Variants in ST3GAL4 observed in about 807,000 individuals in gnomAD.
ST3GAL4 encodes the protein ST3 beta-galactoside alpha-2,3-sialyltransferase 4, also known as CMP-N-acetylneuraminate-beta-galactosamide-alpha-2,3-sialyltransferase 4.
In ST3GAL4, 24 loss-of-function variants were observed where a neutral mutation model predicts 42.6. The ratio of observed to expected loss-of-function variants is 0.56; its 90% CI spans 0.41 to 0.79. ST3GAL4 has a LOEUF of 0.79. Among genes scored for constraint, ST3GAL4 ranks in the 30% least tolerant of loss-of-function variants. The pLI, the probability that ST3GAL4 is intolerant of heterozygous loss-of-function variation, is 0.00. For synonymous variants in ST3GAL4, 135 were observed against 163.2 expected, an observed-to-expected ratio of 0.83 and a Z score of 1.32; for missense variants, 311 against 430.8, an observed-to-expected ratio of 0.72 and a Z score of 2.46.
intron 1 of ST3GAL4, among the ~76,000 whole-genome samples, chr11:126,377,998 A>G (rs1316408666): frequency 3.3e-5 from 5 of 152,210 alleles, no homozygotes; most frequent in Non-Finnish European, 7.3e-5. Flanking sequence ...TTACAGAAGT[A>G]TGAAATCCAG....
chr11:126,379,815 G>A lies in ST3GAL4; in HGVS notation c.-61+23973G>A, dbSNP rs1437625398. Among the ~76,000 whole-genome samples the A allele has an allele frequency of 4.6e-5, 7 of 152,110 alleles. No individual in the cohort carries two copies. Among genetic ancestry groups the A allele is most frequent in the Non-Finnish European group, 5.9e-5 (4 of 68,026 alleles). The stretch of plus-strand genomic sequence containing the variant: ...TTTTAAATCACATGTGGATTGACAA[G>A]TCCAAAACTCTAAGAGAGCTCTCAT... On this transcript the variant is annotated intron_variant, in intron 1 of 10. Transcript: ENST00000444328. This position sits in a 1 kb window ranked among gnomAD's most constrained non-coding sequence, Gnocchi z 4.2.
chr11:126,389,834 G>C (rs1011387661), intron 1 of ST3GAL4, among the ~76,000 whole-genome samples: 1 of 151,920 alleles, frequency 6.6e-6, no homozygotes, highest in Non-Finnish European at 1.5e-5. Context: ...CAATCCTCCT[G>C]CCTTGGCCTC....
At chr11:126,370,328 G>T (rs1470226231) in intron 1 of ST3GAL4, among the ~76,000 whole-genome samples, 1 of 152,138 alleles carries the variant, frequency 6.6e-6, no homozygotes, top group Non-Finnish European at 1.5e-5. Context: ...GTTACTATTT[G>T]TGAAAAATGG....
chr11:126,364,127 C>T (rs4055126), intron 1 of ST3GAL4, among the ~76,000 whole-genome samples: 2 of 152,246 alleles, frequency 1.3e-5, no homozygotes, highest in African/African-American at 2.4e-5. Flanking sequence ...CCTGCCAAGG[C>T]AGAGGGAATG....
intron 4 of ST3GAL4, 40 bp downstream of exon 4, chr11:126,407,063 A>G (rs1393528966): frequency 6.3e-7 from 1 of 1,592,012 alleles, no homozygotes; most frequent in Non-Finnish European, 8.6e-7. Flanking sequence ...CAGGGCATGG[A>G]GCGAGCTGGG....
rs971894814 is a variant in ST3GAL4, at chr11:126,410,366, G to T, written c.771+955G>T. Among the ~76,000 whole-genome samples the T allele has an allele frequency of 6.6e-6, 1 of 152,162 alleles. No individual in the cohort carries two copies. Among genetic ancestry groups the T allele is most frequent in the Non-Finnish European group, 1.5e-5 (1 of 68,032 alleles). Reference sequence around the variant, plus strand: ...CCACCCATATCTTGGAGCCCCTCGGGGAGGCCGTGTGGGATGGTGAGAGAC... The same window carrying T: ...CCACCCATATCTTGGAGCCCCTCGGTGAGGCCGTGTGGGATGGTGAGAGAC... On this transcript the variant is annotated intron_variant, in intron 9 of 10. Coordinates refer to ENST00000444328, the MANE Select transcript of ST3GAL4 (RefSeq NM_001254757.2). The surrounding 1 kb of genome is among the most constrained non-coding windows in gnomAD (Gnocchi z 5.3).
chr11:126,406,059 T>G lies in ST3GAL4; in HGVS notation c.-60-37T>G. ...TCCAGTGTCTAGGCAGGAGAGTTTG[T>G]GAAGCTGACCGGACACCTGTGGCTC... On this transcript the variant is annotated intron_variant, in intron 1 of 10. Transcript: ENST00000444328. The surrounding 1 kb of genome is among the most constrained non-coding windows in gnomAD (Gnocchi z 5.4). 6.4e-7 allele frequency: 1 copy of G among 1,550,820 alleles called. No homozygotes were observed. Among genetic ancestry groups the G allele is most frequent in the East Asian group, 2.4e-5 (1 of 40,908 alleles).
At chr11:126,380,663 A>G (rs1288703308) in intron 1 of ST3GAL4, among the ~76,000 whole-genome samples, 2 of 152,202 alleles carry the variant, frequency 1.3e-5, no homozygotes, top group East Asian at 3.9e-4. Flanking sequence ...TCAGGTCTGT[A>G]AACTCTTATT....
chr11:126,390,969 A>G lies in ST3GAL4; in HGVS notation c.-60-15127A>G, dbSNP rs117603193. The stretch of plus-strand genomic sequence containing the variant: ...TGTCTTTTTGGGACTGGCTTATTTC[A>G]CTTCGCGTAGTACCTTCAAGGTTGA... On this transcript the variant is annotated intron_variant, in intron 1 of 10. Coordinates refer to ENST00000444328, the MANE Select transcript of ST3GAL4 (RefSeq NM_001254757.2). Among the ~76,000 whole-genome samples, 1,395 of 152,234 alleles carry G rather than the reference A, an allele frequency of 9.2e-3. 14 individuals carry two copies. Among genetic ancestry groups the G allele is most frequent in the Non-Finnish European group, 0.012 (837 of 68,004 alleles).
Position 126,406,926 on chromosome 11 carries a change from T to C in ST3GAL4, c.102-17T>C, listed in dbSNP as rs1484442001. 3.1e-6 allele frequency: 5 copies of C among 1,612,464 alleles called. No homozygotes were observed. In the African/African-American group the frequency reaches 6.7e-5, roughly 22 times the overall value. On this transcript the variant is annotated splice_polypyrimidine_tract_variant and intron_variant, in intron 3 of 10. Transcript: ENST00000444328. This position sits in a 1 kb window ranked among gnomAD's most constrained non-coding sequence, Gnocchi z 5.4. ...GTCTGACTGGGGCTTCTGCCTCCTG[T>C]CCTTTTTTCTCTCCAGTTTTTATTT...
rs760910226 is a variant in ST3GAL4 at position 126,407,038 on chromosome 11, A to G, written c.182+15A>G. ...CTCTTTGGCAAGTAAGTACTTAAGGATGAGGAGGGTAGAGCAGGGCATGGA... is the reference window on the plus strand; with the variant it reads ...CTCTTTGGCAAGTAAGTACTTAAGGGTGAGGAGGGTAGAGCAGGGCATGGA... On this transcript the variant is annotated intron_variant, in intron 4 of 10. Coordinates refer to ENST00000444328, the MANE Select transcript of ST3GAL4 (RefSeq NM_001254757.2). The G allele has an allele frequency of 8.5e-5, 137 of 1,612,124 alleles. No homozygotes were observed. Among genetic ancestry groups the G allele is most frequent in the Non-Finnish European group, 1.0e-4 (121 of 1,178,408 alleles).
chr11:126,385,474 C>T (rs920226960), intron 1 of ST3GAL4, among the ~76,000 whole-genome samples: 17 of 152,250 alleles, frequency 1.1e-4, no homozygotes, highest in African/African-American at 3.4e-4. Flanking sequence ...TTCTGAGCTC[C>T]AGACAACTCA....
chr11:126,371,849 G>A (rs886218313), intron 1 of ST3GAL4, among the ~76,000 whole-genome samples: 1 of 152,214 alleles, frequency 6.6e-6, no homozygotes, highest in Non-Finnish European at 1.5e-5. Context: ...ATATTGTGAA[G>A]TGCTCTTCTA....
intron 1 of ST3GAL4, among the ~76,000 whole-genome samples, chr11:126,362,380 A>G (rs370493696): frequency 6.6e-6 from 1 of 150,968 alleles, no homozygotes; most frequent in East Asian, 2.0e-4. Flanking sequence ...TTGTATTTTT[A>G]GTAGAGATGG....
chr11:126,411,671 G>A lies in ST3GAL4; in HGVS notation c.772-1834G>A, dbSNP rs1190420420. 1.3e-5 allele frequency among the ~76,000 whole-genome samples: 2 copies of A among 152,154 alleles called. No homozygotes were observed. Among genetic ancestry groups the A allele is most frequent in the Non-Finnish European group, 1.5e-5 (1 of 68,030 alleles). ...GTGGTTGAAATAATTCGGTTCCTGC[G>A]ATTGTAGAACTGAGGTCCCCATTTC... On this transcript the variant is annotated intron_variant, in intron 9 of 10. Coordinates refer to ENST00000444328, the MANE Select transcript of ST3GAL4 (RefSeq NM_001254757.2). This position sits in a 1 kb window ranked among gnomAD's most constrained non-coding sequence, Gnocchi z 6.3.
At chr11:126,394,253 GGGAGCCCCTGACCA>G (rs1318069922) in intron 1 of ST3GAL4, among the ~76,000 whole-genome samples, 8 of 152,330 alleles carry the variant, frequency 5.3e-5, no homozygotes, top group African/African-American at 1.9e-4. Flanking sequence ...AGGAGCGCCC[GGGAGCCCCTGACCA>G]GGACCTGGGG....
Position 126,393,546 on chromosome 11 carries a change from G to A in ST3GAL4, c.-60-12550G>A, listed in dbSNP as rs1953605373. Among the ~76,000 whole-genome samples, 1 of 152,200 alleles carries A rather than the reference G, an allele frequency of 6.6e-6. No homozygotes were observed. The highest frequency in any genetic ancestry group is 2.1e-4 in the South Asian group (1 of 4,828). ...TTGACTGCACATCAGAGTCAAACGA[G>A]TCAGAATAAGCGGGACCCCTCCACA... On this transcript the variant is annotated intron_variant, in intron 1 of 10. Coordinates refer to ENST00000444328, the MANE Select transcript of ST3GAL4 (RefSeq NM_001254757.2). This position sits in a 1 kb window ranked among gnomAD's most constrained non-coding sequence, Gnocchi z 5.9.
chr11:126,388,660 GTTTTT>G (rs10599019), intron 1 of ST3GAL4, among the ~76,000 whole-genome samples: 9 of 79,286 alleles, frequency 1.1e-4, no homozygotes, highest in South Asian at 4.6e-4. Context: ...TAGGTTTCTT[GTTTTT>G]TTTTTTTTTT....
In ST3GAL4 at chr11:126,404,734, G is replaced by T. The variant is rs12278171; in HGVS notation, c.-60-1362G>T. Among the ~76,000 whole-genome samples the T allele has an allele frequency of 4.2e-3, 640 of 152,330 alleles. 6 individuals are homozygous for T. The highest frequency in any genetic ancestry group is 0.015 in the African/African-American group (607 of 41,574). On this transcript the variant is annotated intron_variant, in intron 1 of 10. Transcript: ENST00000444328. ...TCATCCCCTCTGGGGTTTGGGGATG[G>T]TGCTTCTGACTCTCCTGAGGCAGTC...
Sources: gnomAD v4.1 joint callset for allele counts (sites outside exome capture counted in the v4.1 genomes callset) on GRCh38, gnomAD v4.1.1 for gene constraint, Gnocchi (gnomAD v3.1) non-coding constraint, MANE v1.5 for transcripts, NCBI Gene and HGNC (gene_info 2026-07-23, HGNC 2026-07-21) for gene names.